The following KLF7 variants were observed in gnomAD, a reference collection of about 807,000 sequenced individuals.
KLF7 encodes the protein KLF transcription factor 7.
In KLF7, 2 loss-of-function variants were observed where a neutral mutation model predicts 27.3. The observed-to-expected ratio is 0.07, with a 90% CI of 0.03 to 0.23. The LOEUF is 0.23. Ranked by LOEUF, KLF7 falls within the 10% of genes least tolerant of loss-of-function variation. KLF7 has a pLI of 1.00. For synonymous variants in KLF7, 165 were observed against 162.4 expected (o/e 1.02, Z -0.12); for missense variants, 221 against 394.1 (o/e 0.56, Z 3.72).
At chr2:207,166,066 T>C (rs1559176590), upstream of KLF7, 14 of 804,344 alleles carry the variant, frequency 1.7e-5, no homozygotes, top group Non-Finnish European at 1.9e-5. Flanking sequence ...CTTGCTAGTT[T>C]GTAGTCTTCC....
At chr2:207,122,114 A>T (rs1267560487) in intron 2 of KLF7, 2 of 152,258 alleles carry the variant, frequency 1.3e-5, no homozygotes, top group Non-Finnish European at 2.9e-5. Flanking sequence ...AGAAAGAAAG[A>T]AGTATCAATA....
At chr2:207,166,297 T>A, upstream of KLF7, 1 of 460,398 alleles carries the variant, frequency 2.2e-6, no homozygotes, top group Non-Finnish European at 2.9e-6. Context: ...ATTGGCACGC[T>A]GCGGATCTCC....
intron 1 of KLF7, among the ~76,000 whole-genome samples, chr2:207,142,349 G>T (rs2077966660): frequency 1.3e-5 from 2 of 152,070 alleles, no homozygotes; most frequent in Non-Finnish European, 2.9e-5. Context: ...TTCAGGGCAG[G>T]GTCTGTTATC....
At chr2:207,168,936 G>GT (rs2078766106), upstream of KLF7, among the ~76,000 whole-genome samples, 1 of 152,170 alleles carries the variant, frequency 6.6e-6, no homozygotes, top group Admixed American at 6.5e-5. Flanking sequence ...CTGCACTGTT[G>GT]TAACTACCAC....
chr2:207,152,924 G>C (rs1052235144), intron 1 of KLF7, among the ~76,000 whole-genome samples: 1 of 152,124 alleles, frequency 6.6e-6, no homozygotes, highest in African/African-American at 2.4e-5. Context: ...AAGAGTGCAC[G>C]ATCTGTCTAA....
At chr2:207,166,831 C>G, upstream of KLF7, 1 of 1,024,080 alleles carries the variant, frequency 9.8e-7, no homozygotes. Flanking sequence ...AGAGAAGAAG[C>G]GCCTGAGGAG....
Position 207,149,177 on chromosome 2 carries a change from T to C in KLF7, c.102+16290A>G, listed in dbSNP as rs149397647. 9.2e-4 allele frequency: 1,179 copies of C among 1,287,680 alleles called. 6 individuals carry two copies. In the African/African-American group the frequency reaches 0.016, roughly 18 times the overall value. 79.8% of individuals were successfully genotyped at this position (1,287,680 alleles called of 1,614,324 possible). On this transcript the variant is annotated intron_variant, in intron 1 of 3. Transcript: ENST00000309446. ...AATAAGAAACTGGTGTGTTTTCTTT[T>C]TGGAGATGATCTTCAATAATTTTCT...
intron 1 of KLF7, among the ~76,000 whole-genome samples, chr2:207,140,019 G>C (rs146330973): frequency 0.011 from 1,599 of 152,210 alleles, 24 homozygotes; most frequent in African/African-American, 0.036. Context: ...CTTCCGAATA[G>C]CTGGGACTAT....
chr2:207,105,472 G>A lies in KLF7; in HGVS notation c.734-16891C>T, dbSNP rs143544226. ...AGACACCCAGCTAATAAGTGGCTGA[G>A]ATGACTTTTTAAGTCTGGGTCTGAC... On this transcript the variant is annotated intron_variant, in intron 2 of 3. Coordinates refer to ENST00000309446, the MANE Select transcript of KLF7 (RefSeq NM_003709.4). 1.5e-4 allele frequency among the ~76,000 whole-genome samples: 23 copies of A among 152,322 alleles called. No individual in the cohort carries two copies. The East Asian group carries it at 4.0e-3, about 27-fold the overall frequency.
chr2:207,150,538 C>T (rs2078213803), intron 1 of KLF7, among the ~76,000 whole-genome samples: 2 of 152,212 alleles, frequency 1.3e-5, no homozygotes, highest in Admixed American at 6.5e-5. Flanking sequence ...CACCGTACAG[C>T]ATGTAACAGT....
chr2:207,171,130 G>T (rs545212040), upstream of KLF7, among the ~76,000 whole-genome samples: 11 of 151,292 alleles, frequency 7.3e-5, no homozygotes, highest in Admixed American at 7.3e-4. Context: ...AGAAGAAGTT[G>T]ATCCCAACCC....
chr2:207,102,221 G>A (rs1356004523), intron 2 of KLF7, among the ~76,000 whole-genome samples: 2 of 149,778 alleles, frequency 1.3e-5, no homozygotes, highest in East Asian at 3.9e-4. Flanking sequence ...CACATATGTA[G>A]AAACACCCCC....
At chr2:207,142,030 A>G (rs985320140) in intron 1 of KLF7, among the ~76,000 whole-genome samples, 3 of 151,946 alleles carry the variant, frequency 2.0e-5, no homozygotes, top group African/African-American at 7.3e-5. Context: ...CAAGAATGAG[A>G]AATCTGTAGA....
chr2:207,094,887 A>G (rs2076589777), intron 2 of KLF7, among the ~76,000 whole-genome samples: 1 of 152,148 alleles, frequency 6.6e-6, no homozygotes, highest in African/African-American at 2.4e-5. Flanking sequence ...TACTACATAA[A>G]TTAAAATGTA....
Position 207,076,055 on chromosome 2 carries a change from C to G in KLF7, c.*5158G>C, listed in dbSNP as rs2076171316. 1 of 152,068 alleles carries G rather than the reference C, an allele frequency of 6.6e-6. No individual in the cohort carries two copies. The highest frequency in any genetic ancestry group is 1.5e-5 in the Non-Finnish European group (1 of 68,036). 9.4% of individuals were successfully genotyped at this position (152,068 alleles called of 1,614,324 possible). On this transcript the variant is annotated 3_prime_UTR_variant, in exon 4 of 4. Coordinates refer to ENST00000309446, the MANE Select transcript of KLF7 (RefSeq NM_003709.4). The stretch of plus-strand genomic sequence containing the variant: ...CTGGCAATTATAAGCATCCATCCCC[C>G]CCAAAAGATATTAGGCACTGGTGGC...
chr2:207,154,715 T>C lies in KLF7; in HGVS notation c.102+10752A>G, dbSNP rs541685423. ...AAGAGCATTTGTTGAGTGGATGTTA[T>C]GTGCCAGACACTAGGTCAGAGAGCT... On this transcript the variant is annotated intron_variant, in intron 1 of 3. Coordinates refer to ENST00000309446, the MANE Select transcript of KLF7 (RefSeq NM_003709.4). 9.4e-4 allele frequency among the ~76,000 whole-genome samples: 143 copies of C among 152,346 alleles called. 1 individual carries two copies. Among genetic ancestry groups the C allele is most frequent in the African/African-American group, 3.3e-3 (136 of 41,574 alleles).
intron 1 of KLF7, among the ~76,000 whole-genome samples, chr2:207,151,398 AG>A (rs2078243660): frequency 6.7e-6 from 1 of 149,638 alleles, no homozygotes; most frequent in Non-Finnish European, 1.5e-5. Context: ...TGAGGAGGGC[AG>A]GGGGGAGGGA....
chr2:207,100,184 G>C (rs2076733354), intron 2 of KLF7, among the ~76,000 whole-genome samples: 1 of 152,172 alleles, frequency 6.6e-6, no homozygotes, highest in African/African-American at 2.4e-5. Flanking sequence ...AGATCATGGA[G>C]AGAAGGGCCC....
intron 1 of KLF7, among the ~76,000 whole-genome samples, chr2:207,162,695 T>G (rs1166476541): frequency 6.6e-6 from 1 of 152,170 alleles, no homozygotes; most frequent in Non-Finnish European, 1.5e-5. Context: ...TTATCCCATA[T>G]CCTAAGTTTA....
Sources: gnomAD v4.1 joint callset for allele counts (sites outside exome capture counted in the v4.1 genomes callset) on GRCh38, gnomAD v4.1.1 for gene constraint, MANE v1.5 for transcripts, NCBI Gene and HGNC (gene_info 2026-07-23, HGNC 2026-07-21) for gene names.